The following ENTPD6 variants were observed in gnomAD, a reference collection of about 807,000 sequenced individuals.
The protein encoded by ENTPD6 is CD39 antigen-like 2.
Under a neutral mutation model 61.5 loss-of-function variants are expected in ENTPD6, and 46 were observed. The ratio of observed to expected loss-of-function variants is 0.75; its 90% confidence interval spans 0.59 to 0.96. The LOEUF (loss-of-function observed/expected upper bound fraction) is 0.96. ENTPD6 is among the 40% of genes least tolerant of loss of function. The pLI, the probability that ENTPD6 is intolerant of heterozygous loss-of-function variation, is 0.00. For synonymous variants in ENTPD6, 252 were observed against 255.5 expected, an observed-to-expected ratio of 0.99 and a Z score of 0.13; for missense variants, 612 against 629.0, an observed-to-expected ratio of 0.97 and a Z score of 0.29.
Position 25,217,523 on chromosome 20 carries a change from C to G in ENTPD6, c.820C>G (p.Pro274Ala), listed in dbSNP as rs1262914739. 3 of 1,614,182 alleles carry G rather than the reference C, an allele frequency of 1.9e-6. No homozygotes were observed. The African/African-American group carries it at 4.0e-5, about 22-fold the overall frequency. Residue 274 changes from proline to alanine, a missense_variant, in exon 9 of 15, where the codon CCC becomes GCC. Transcript: ENST00000376652. Reference sequence around the variant, plus strand: ...CCAGGGCACCCTGCAGGCCTCCCCACCCGGCTACCTGACGGCACTGCGGAT... The same window carrying G: ...CCAGGGCACCCTGCAGGCCTCCCCAGCCGGCTACCTGACGGCACTGCGGAT... ...RVEGTLQASP[P>A]GYLTALRMFN...
intron 12 of ENTPD6, among the ~76,000 whole-genome samples, chr20:25,223,233 C>T (rs1010109398): frequency 6.6e-6 from 1 of 152,190 alleles, no homozygotes; most frequent in African/African-American, 2.4e-5. Context: ...GCAGGTCCTG[C>T]CTTGCACTGG....
chr20:25,197,348 C>T (rs2122301857), intron 1 of ENTPD6: 2 of 667,776 alleles, frequency 3.0e-6, no homozygotes, highest in South Asian at 6.6e-5. Context: ...GGAGGGTGGC[C>T]TCAGCAGGAG....
chr20:25,221,526 C>T lies in ENTPD6; in HGVS notation c.1045+193C>T, dbSNP rs776302964. 16 of 654,620 alleles carry T rather than the reference C, an allele frequency of 2.4e-5. 1 individual carries two copies. The highest frequency in any genetic ancestry group is 1.9e-4 in the South Asian group (12 of 61,866). 40.6% of individuals were successfully genotyped at this position (654,620 alleles called of 1,614,324 possible). A position where few individuals can be genotyped will look rare whatever the true frequency, so the allele number is the denominator to read the frequency against. ...TGTCTGTGCTGAGAGCCAGCTCCTT[C>T]CCTCTGCCTCTGTTCAACATTCCCC... On this transcript the variant is annotated intron_variant, in intron 11 of 14. Transcript: ENST00000376652.
At chr20:25,207,976 C>T (rs1291498690) in intron 3 of ENTPD6, among the ~76,000 whole-genome samples, 1 of 152,242 alleles carries the variant, frequency 6.6e-6, no homozygotes, top group Non-Finnish European at 1.5e-5. Flanking sequence ...TTCCTCTGCT[C>T]TCCAACCACC....
At chr20:25,218,101 C>A (rs1465833104) in intron 9 of ENTPD6, among the ~76,000 whole-genome samples, 2 of 152,170 alleles carry the variant, frequency 1.3e-5, no homozygotes, top group African/African-American at 4.8e-5. Flanking sequence ...CTCCTTCATC[C>A]TTTAATGTGT....
At position 25,213,350 on chromosome 20, in the gene ENTPD6, G is replaced by C; in HGVS notation, c.541G>C (p.Ala181Pro). ...GAAGGCCACCCCTCTGGTCCTCAAGGCCACAGCTGGCTTACGCCTGTTACC... is the reference window on the plus strand; with the variant it reads ...GAAGGCCACCCCTCTGGTCCTCAAGCCCACAGCTGGCTTACGCCTGTTACC... ...FWKATPLVLKATAGLRLLPGE... is the reference protein window; with the variant it reads ...FWKATPLVLKPTAGLRLLPGE... Residue 181 changes from alanine to proline, a missense_variant, in exon 5 of 15, where the codon GCC becomes CCC. Ala to Pro is a conservative substitution (Grantham distance 27). Transcript: ENST00000376652. 6.2e-7 allele frequency: 1 copy of C among 1,614,176 alleles called. No homozygotes were observed.
At chr20:25,197,245 C>G in intron 1 of ENTPD6, 1 of 985,434 alleles carries the variant, frequency 1.0e-6, no homozygotes, top group Non-Finnish European at 1.2e-6. Flanking sequence ...CCATCCCCAT[C>G]TAGAAAGCCA....
Position 25,218,754 on chromosome 20 carries a change from G to T in ENTPD6, c.943+140G>T. 9.1e-6 allele frequency: 8 copies of T among 878,978 alleles called. No individual in the cohort carries two copies. The South Asian group carries it at 1.2e-4, about 13-fold the overall frequency. The allele number at this position is 878,978 out of a possible 1,614,324, so 54.4% of individuals were successfully genotyped here. On this transcript the variant is annotated intron_variant, in intron 10 of 14. Transcript: ENST00000376652. ...GCCCCTCCCACCCCACTGCTGTCCC[G>T]CTGCATGCTGGGCACCCAGCCAGGC... is the stretch of plus-strand genomic sequence containing the variant.
intron 1 of ENTPD6, among the ~76,000 whole-genome samples, chr20:25,202,248 T>G (rs995520374): frequency 2.0e-5 from 3 of 151,884 alleles, no homozygotes; most frequent in Non-Finnish European, 2.9e-5. Flanking sequence ...GTGGCAGGAG[T>G]GGAAGAAAAT....
intron 12 of ENTPD6, 165 bp from the exon 13 acceptor site, chr20:25,223,936 C>G: frequency 1.8e-6 from 1 of 544,868 alleles, no homozygotes; most frequent in Non-Finnish European, 3.2e-6. Context: ...CACCCAGAAG[C>G]CGTCCTCAGA....
At chr20:25,224,510 G>A in intron 13 of ENTPD6, 1 of 181,912 alleles carries the variant, frequency 5.5e-6, no homozygotes, top group Non-Finnish European at 1.1e-5. Flanking sequence ...TGTCCCCGGG[G>A]TCGCAGGTGA....
Position 25,218,545 on chromosome 20 carries a change from C to A in ENTPD6, c.879-5C>A, listed in dbSNP as rs1425847395. On this transcript the variant is annotated splice_region_variant and splice_polypyrimidine_tract_variant and intron_variant, in intron 9 of 14. Coordinates refer to ENST00000376652, the MANE Select transcript of ENTPD6 (RefSeq NM_001247.5). ...GCTGCCCTCACTGAGGTGTCATTCC[C>A]ACAGCTACCTCGGGCTCGGGCTGAT... The A allele has an allele frequency of 4.4e-6, 7 of 1,603,016 alleles. No individual in the cohort carries two copies. Among genetic ancestry groups the A allele is most frequent in the Non-Finnish European group, 5.9e-6 (7 of 1,176,932 alleles).
chr20:25,217,421 T>C, intron 8 of ENTPD6, 81 bp from the exon 9 acceptor site: 2 of 1,347,164 alleles, frequency 1.5e-6, no homozygotes, highest in Middle Eastern at 3.6e-4. Context: ...CCATCCCCTT[T>C]CTTTCAAATG....
At chr20:25,198,031 G>A (rs941190231) in intron 1 of ENTPD6, among the ~76,000 whole-genome samples, 2 of 152,172 alleles carry the variant, frequency 1.3e-5, no homozygotes, top group African/African-American at 4.8e-5. Flanking sequence ...GGCAGGCTTT[G>A]TGGGGTGCTG....
At position 25,207,063 on chromosome 20, in the gene ENTPD6, C is replaced by T; in HGVS notation, c.55-13C>T. On this transcript the variant is annotated splice_polypyrimidine_tract_variant and intron_variant, in intron 2 of 14. Coordinates refer to ENST00000376652, the MANE Select transcript of ENTPD6 (RefSeq NM_001247.5). Reference sequence around the variant, plus strand: ...CTAACGTGCTTTTCCTGCCTCTCCCCCCTTCCCACCAGCAGCCGCAGCACG... The same window carrying T: ...CTAACGTGCTTTTCCTGCCTCTCCCTCCTTCCCACCAGCAGCCGCAGCACG... 6.3e-7 allele frequency: 1 copy of T among 1,589,976 alleles called. No homozygotes were observed. The highest frequency in any genetic ancestry group is 2.3e-5 in the East Asian group (1 of 44,412).
rs532578891 is a variant in ENTPD6, at chr20:25,225,664, G to A, written c.*67G>A. 2.1e-4 allele frequency: 290 copies of A among 1,367,752 alleles called. 1 individual carries two copies. The African/African-American group carries it at 2.9e-3, about 14-fold the overall frequency. The allele number at this position is 1,367,752 out of a possible 1,614,324, so 84.7% of individuals were successfully genotyped here. A position where few individuals can be genotyped will look rare whatever the true frequency, so the allele number is the denominator to read the frequency against. On this transcript the variant is annotated 3_prime_UTR_variant, in exon 15 of 15. Coordinates refer to ENST00000376652, the MANE Select transcript of ENTPD6 (RefSeq NM_001247.5). ...CTGCATAAACCCTCCTGTCCTGGAC[G>A]TGACTTCATCCTGAGGAGCCACAGC...
At chr20:25,222,775 C>A (rs2092680307) in intron 11 of ENTPD6, 63 bp from the exon 12 acceptor site, 1 of 1,588,412 alleles carries the variant, frequency 6.3e-7, no homozygotes, top group Non-Finnish European at 8.6e-7. Flanking sequence ...GGAGGGGCCC[C>A]AAGCAGCTGT....
chr20:25,225,525 G>A lies in ENTPD6; in HGVS notation c.1383G>A (p.Glu461=). 1.2e-6 allele frequency: 2 copies of A among 1,614,036 alleles called. No individual in the cohort carries two copies. Among genetic ancestry groups the A allele is most frequent in the Non-Finnish European group, 1.7e-6 (2 of 1,179,952 alleles). ...TCACTCGGAAAATTGACAATGTTGA[G>A]ACCAGCTGGGCTCTGGGGGCCATTT... ...LKLTRKIDNV[E]TSWALGAIFH... Residue 461 remains glutamate, a synonymous_variant, in exon 15 of 15, where the codon GAG becomes GAA. Transcript: ENST00000376652.
chr20:25,213,322 C>G lies in ENTPD6; in HGVS notation c.513C>G (p.Phe171Leu), dbSNP rs2092104929. Residue 171 changes from phenylalanine (F) to leucine (L), a missense_variant, in exon 5 of 15, where the codon TTC (phenylalanine) becomes TTG (leucine). By Grantham distance (22) the Phe-to-Leu change is conservative. Transcript: ENST00000376652. ...DVAKQDIPFD[F>L]WKATPLVLKA... ...CTAAACAGGACATTCCGTTCGACTT[C>G]TGGAAGGCCACCCCTCTGGTCCTCA... The G allele has an allele frequency of 1.2e-5, 19 of 1,614,272 alleles. No individual in the cohort carries two copies. The highest frequency in any genetic ancestry group is 1.6e-5 in the Non-Finnish European group (19 of 1,180,052).
Sources: allele counts gnomAD v4.1 joint callset (sites outside exome capture counted in the v4.1 genomes callset), GRCh38; gene constraint gnomAD v4.1.1; transcripts MANE v1.5; gene names NCBI Gene and HGNC (gene_info 2026-07-23, HGNC 2026-07-21).